Variants in FRMD4B observed in about 807,000 individuals in gnomAD.
FRMD4B encodes FERM domain containing 4B, also known as FERM domain-containing protein 4B.
In FRMD4B, 74 loss-of-function variants were observed where a neutral mutation model predicts 141.5. That is an observed-to-expected ratio of 0.52 (90% CI 0.43 to 0.63). The LOEUF is 0.63. Ranked by LOEUF, FRMD4B falls within the 30% of genes least tolerant of loss-of-function variation. The probability of loss-of-function intolerance (pLI) is 0.00; values close to 1 mark genes in which losing one functional copy is unlikely to be tolerated. For missense variants in FRMD4B, 1,366 were observed against 1,253.4 expected (o/e 1.09, Z -1.36); for synonymous variants, 506 against 467.9 (o/e 1.08, Z -1.05).
chr3:69,256,073 G>A (rs1474354532), intron 5 of FRMD4B, among the ~76,000 whole-genome samples: 2 of 151,714 alleles, frequency 1.3e-5, no homozygotes, highest in African/African-American at 4.8e-5. Flanking sequence ...CTCCAGCCTG[G>A]GTGACACGGT....
At chr3:69,350,800 A>G (rs1703117928) in intron 1 of FRMD4B, among the ~76,000 whole-genome samples, 1 of 140,230 alleles carries the variant, frequency 7.1e-6, no homozygotes, top group Admixed American at 7.3e-5. Context: ...CAGGAAGGGG[A>G]ACAGCACACG....
At chr3:69,496,633 G>GAC in intron 1 of FRMD4B, among the ~76,000 whole-genome samples, 1 of 74,208 alleles carries the variant, frequency 1.3e-5, no homozygotes, top group South Asian at 4.8e-4. Context: ...GAGAGAGAGA[G>GAC]AGAAAGAGAG....
chr3:69,251,928 C>G (rs1165101545), intron 5 of FRMD4B, among the ~76,000 whole-genome samples: 1 of 152,110 alleles, frequency 6.6e-6, no homozygotes, highest in East Asian at 1.9e-4. Context: ...CAGGAGAACT[C>G]AAAAACATCA....
At chr3:69,519,848 C>G (rs1283383663) in intron 1 of FRMD4B, among the ~76,000 whole-genome samples, 1 of 151,760 alleles carries the variant, frequency 6.6e-6, no homozygotes, top group African/African-American at 2.4e-5. Context: ...CCTTTGCATC[C>G]TCATAGCTTA....
In FRMD4B at chr3:69,530,487, G is replaced by A. The variant is rs75484592; in HGVS notation, c.-129+11719C>T. Among the ~76,000 whole-genome samples the A allele has an allele frequency of 3.1e-3, 475 of 151,938 alleles. 5 individuals carry two copies. The highest frequency in any genetic ancestry group is 0.011 in the African/African-American group (447 of 41,458). On this transcript the variant is annotated intron_variant, in intron 1 of 5. Transcript: ENST00000459638. The stretch of plus-strand genomic sequence containing the variant: ...CTTCTACCATAAGTGGAAACAGCCT[G>A]TGGCTCTGACCAGATGCAGCCCAAT...
Position 69,181,192 on chromosome 3 carries a change from T to C in FRMD4B, c.2558A>G (p.Tyr853Cys). 5 of 1,614,012 alleles carry C rather than the reference T, an allele frequency of 3.1e-6. No homozygotes were observed. Among genetic ancestry groups the C allele is most frequent in the Non-Finnish European group, 4.2e-6 (5 of 1,179,892 alleles). Residue 853 changes from tyrosine (Y) to cysteine (C), a missense_variant, in exon 21 of 23, where the codon TAC (tyrosine) becomes TGC (cysteine). Tyr to Cys is a radical substitution (Grantham distance 194). Transcript: ENST00000398540. ...AHYGYERQRD[Y>C]SRSFHEDEVD... The stretch of plus-strand genomic sequence containing the variant: ...CTCATCTTCGTGAAAGGATCTGCTG[T>C]AGTCCCTCTGGCGCTCATATCCATA...
intron 19 of FRMD4B, among the ~76,000 whole-genome samples, chr3:69,184,793 T>C (rs1180012421): frequency 1.3e-5 from 2 of 152,208 alleles, no homozygotes; most frequent in Non-Finnish European, 2.9e-5. Flanking sequence ...CTGACCAATA[T>C]GATAGCCACT....
At chr3:69,233,099 C>T (rs1049962022) in intron 7 of FRMD4B, among the ~76,000 whole-genome samples, 1 of 151,722 alleles carries the variant, frequency 6.6e-6, no homozygotes, top group African/African-American at 2.4e-5. Flanking sequence ...TACCTGAAAC[C>T]CAAACCAAAG....
intron 1 of FRMD4B, among the ~76,000 whole-genome samples, chr3:69,517,621 A>T (rs1366379329): frequency 6.6e-6 from 1 of 152,194 alleles, no homozygotes; most frequent in African/African-American, 2.4e-5. Flanking sequence ...CACAGTGACA[A>T]TGCTACCCTC....
intron 1 of FRMD4B, among the ~76,000 whole-genome samples, chr3:69,324,556 T>A (rs1035617818): frequency 1.3e-5 from 2 of 152,218 alleles, no homozygotes; most frequent in African/African-American, 4.8e-5. Context: ...ACCCACTAGA[T>A]GTCAGTAGAT....
At chr3:69,317,851 C>T (rs1440811208) in intron 1 of FRMD4B, among the ~76,000 whole-genome samples, 1 of 151,542 alleles carries the variant, frequency 6.6e-6, no homozygotes, top group Non-Finnish European at 1.5e-5. Context: ...TAATGTTTTC[C>T]AGTCACTTAT....
chr3:69,288,256 C>T (rs1249416176), intron 4 of FRMD4B, among the ~76,000 whole-genome samples: 1 of 152,254 alleles, frequency 6.6e-6, no homozygotes, highest in Non-Finnish European at 1.5e-5. Context: ...CCAAAGCCTG[C>T]TTGAGGCTCG....
intron 22 of FRMD4B, among the ~76,000 whole-genome samples, chr3:69,175,328 C>G (rs967088899): frequency 1.3e-5 from 2 of 152,288 alleles, no homozygotes; most frequent in African/African-American, 4.8e-5. Context: ...AAGGGAGACA[C>G]GACCTCTTCA....
At chr3:69,531,063 T>C (rs1189327977) in intron 1 of FRMD4B, among the ~76,000 whole-genome samples, 1 of 152,148 alleles carries the variant, frequency 6.6e-6, no homozygotes, top group Non-Finnish European at 1.5e-5. Flanking sequence ...ACTCTACCAC[T>C]TACTACTTAT....
intron 1 of FRMD4B, among the ~76,000 whole-genome samples, chr3:69,494,929 G>A (rs952535953): frequency 4.0e-5 from 6 of 150,700 alleles, no homozygotes; most frequent in Admixed American, 4.0e-4. Context: ...GAAGGGAAGG[G>A]AGGGGAGAGG....
intron 1 of FRMD4B, among the ~76,000 whole-genome samples, chr3:69,457,642 AATGG>A (rs747279469): frequency 1.3e-5 from 2 of 150,134 alleles, no homozygotes; most frequent in Non-Finnish European, 3.0e-5. Context: ...CTCCAAACAG[AATGG>A]ATGTTTTTCT....
At chr3:69,463,622 A>G (rs762326558) in intron 1 of FRMD4B, among the ~76,000 whole-genome samples, 9 of 152,212 alleles carry the variant, frequency 5.9e-5, no homozygotes, top group Non-Finnish European at 1.3e-4. Context: ...TAGTGACTTG[A>G]GATGACACAA....
At chr3:69,253,861 G>C (rs1196262224) in intron 5 of FRMD4B, among the ~76,000 whole-genome samples, 1 of 152,164 alleles carries the variant, frequency 6.6e-6, no homozygotes, top group Non-Finnish European at 1.5e-5. Context: ...GCTGAGGTGG[G>C]GGCACTGCTT....
At chr3:69,511,110 C>T (rs1706679652) in intron 1 of FRMD4B, among the ~76,000 whole-genome samples, 1 of 152,054 alleles carries the variant, frequency 6.6e-6, no homozygotes, top group South Asian at 2.1e-4. Flanking sequence ...GATATGTCGC[C>T]CTGATCAACT....
Sources: allele counts gnomAD v4.1 joint callset (sites outside exome capture counted in the v4.1 genomes callset), GRCh38; gene constraint gnomAD v4.1.1; transcripts MANE v1.5; gene names NCBI Gene and HGNC (gene_info 2026-07-23, HGNC 2026-07-21).